The following PCGF5 variants were observed in gnomAD, a reference collection of about 807,000 sequenced individuals.
PCGF5 encodes polycomb group RING finger protein 5.
Under a neutral mutation model 44.3 loss-of-function variants are expected in PCGF5, and 9 were observed. That is an observed-to-expected ratio of 0.20 (90% confidence interval 0.12 to 0.35). The LOEUF is 0.35. Among genes scored for constraint, PCGF5 ranks in the 10% least tolerant of loss-of-function variants. The pLI, the probability that PCGF5 is intolerant of heterozygous loss-of-function variation, is 1.00. For synonymous variants in PCGF5, 95 were observed against 102.5 expected, an observed-to-expected ratio of 0.93 and a Z score of 0.44; for missense variants, 146 against 305.3, an observed-to-expected ratio of 0.48 and a Z score of 3.89.
upstream of PCGF5, chr10:91,162,953 C>T (rs930248919): frequency 2.2e-4 from 32 of 145,304 alleles, no homozygotes; most frequent in African/African-American, 7.9e-4. Flanking sequence ...CGCCCCGCGC[C>T]GCTCGCACCC....
chr10:91,243,981 C>G (rs181170944), intron 3 of PCGF5, among the ~76,000 whole-genome samples: 1 of 152,186 alleles, frequency 6.6e-6, no homozygotes, highest in Admixed American at 6.5e-5. Context: ...TTACTGGATG[C>G]CTGCTGTGTC....
intron 1 of PCGF5, among the ~76,000 whole-genome samples, chr10:91,197,772 T>G (rs564546367): frequency 6.6e-6 from 1 of 152,318 alleles, no homozygotes; most frequent in South Asian, 2.1e-4. Flanking sequence ...TTCATTTTGT[T>G]ATATTAAATT....
At chr10:91,248,311 A>G (rs1044413690) in intron 3 of PCGF5, among the ~76,000 whole-genome samples, 194 bp from the exon 4 acceptor site, 1 of 152,086 alleles carries the variant, frequency 6.6e-6, no homozygotes, top group African/African-American at 2.4e-5. Flanking sequence ...GACTGGGACC[A>G]TTTTTGTTAT....
At chr10:91,202,645 C>T (rs1031542309) in intron 1 of PCGF5, among the ~76,000 whole-genome samples, 7 of 152,072 alleles carry the variant, frequency 4.6e-5, no homozygotes, top group Admixed American at 3.3e-4. Flanking sequence ...TCCTTAGAAG[C>T]CTTGAAAACT....
intron 6 of PCGF5, among the ~76,000 whole-genome samples, chr10:91,253,325 C>T (rs960527643): frequency 1.3e-5 from 2 of 151,882 alleles, no homozygotes; most frequent in Non-Finnish European, 2.9e-5. Flanking sequence ...AATCCTGTCT[C>T]GCCCCCTACC....
At chr10:91,170,772 G>A (rs1245537481) in intron 1 of PCGF5, among the ~76,000 whole-genome samples, 3 of 152,186 alleles carry the variant, frequency 2.0e-5, no homozygotes, top group Non-Finnish European at 4.4e-5. Flanking sequence ...TTTACCCAAA[G>A]GAGTTGAAAA....
At chr10:91,168,957 A>AT (rs1564623419) in intron 1 of PCGF5, among the ~76,000 whole-genome samples, 1 of 134,484 alleles carries the variant, frequency 7.4e-6, no homozygotes, top group Non-Finnish European at 1.6e-5. Context: ...AAAAAAAAAA[A>AT]AGAAGGCTTG....
chr10:91,229,937 T>A (rs1210328618), intron 2 of PCGF5, among the ~76,000 whole-genome samples: 1 of 152,192 alleles, frequency 6.6e-6, no homozygotes, highest in Non-Finnish European at 1.5e-5. Flanking sequence ...TGGCAGAAAC[T>A]AGTCATTCAT....
At position 91,251,395 on chromosome 10, in the gene PCGF5, A is replaced by G; in HGVS notation, c.429A>G (p.Leu143=). The change falls in exon 6 of 10, where the codon CTA becomes CTG. Residue 143 remains leucine, a synonymous_variant. Transcript: ENST00000336126. ...GTGACCCACAAATTGCTATCTGTCT[A>G]GATTGTTTACGAAATAATGGGCAAT... ...HRSDPQIAIC[L]DCLRNNGQSG... is the part of the protein sequence containing the mutation. The G allele has an allele frequency of 6.2e-7, 1 of 1,611,552 alleles. No individual in the cohort carries two copies.
In PCGF5 at chr10:91,237,272, G is replaced by A. The variant is rs183496234; in HGVS notation, c.113-3212G>A. On this transcript the variant is annotated intron_variant, in intron 2 of 9. Coordinates refer to ENST00000336126, the MANE Select transcript of PCGF5 (RefSeq NM_032373.5). ...GCATATTTAAGATAATGCCTGGTAC[G>A]TAAACCCATTAAGTGTTAACTATGA... Among the ~76,000 whole-genome samples the A allele has an allele frequency of 3.3e-3, 508 of 152,222 alleles. 2 individuals carry two copies. The highest frequency in any genetic ancestry group is 4.6e-3 in the Admixed American group (71 of 15,292).
chr10:91,171,945 T>C (rs1170393611), intron 1 of PCGF5, among the ~76,000 whole-genome samples: 1 of 152,204 alleles, frequency 6.6e-6, no homozygotes, highest in Non-Finnish European at 1.5e-5. Context: ...TCCTAAAGCT[T>C]TTCTGAGCAT....
In PCGF5 at chr10:91,280,438, C is replaced by T. The variant is rs999175174; in HGVS notation, c.*2122C>T. On this transcript the variant is annotated 3_prime_UTR_variant, in exon 10 of 10. Coordinates refer to ENST00000336126, the MANE Select transcript of PCGF5 (RefSeq NM_032373.5). ...TTGTCATATGTAATTTCACTATTTT[C>T]CAAGGAAATATATAGGAAGCAATTA... is the stretch of plus-strand genomic sequence containing the variant. The T allele has an allele frequency of 2.0e-5, 3 of 152,274 alleles. No homozygotes were observed. The highest frequency in any genetic ancestry group is 4.4e-5 in the Non-Finnish European group (3 of 67,864). The allele number at this position is 152,274 out of a possible 1,614,324, so 9.4% of individuals were successfully genotyped here. A position where few individuals can be genotyped will look rare whatever the true frequency, so the allele number is the denominator to read the frequency against.
At chr10:91,165,311 T>C (rs1843480553) in intron 1 of PCGF5, among the ~76,000 whole-genome samples, 1 of 152,216 alleles carries the variant, frequency 6.6e-6, no homozygotes, top group Non-Finnish European at 1.5e-5. Context: ...TTAAAAATAT[T>C]ATCTGTGCTA....
chr10:91,267,293 TCTCCCGATGGCATTCTTA>T (rs1269135558), intron 8 of PCGF5, among the ~76,000 whole-genome samples: 1 of 152,124 alleles, frequency 6.6e-6, no homozygotes, highest in Non-Finnish European at 1.5e-5. Context: ...TACAACCCCC[TCTCCCGATGGCATTCTTA>T]CTCCCTTTTC....
At chr10:91,248,605 A>G in intron 4 of PCGF5, 45 bp downstream of exon 4, 2 of 1,602,306 alleles carry the variant, frequency 1.2e-6, no homozygotes, top group Non-Finnish European at 1.7e-6. Flanking sequence ...GTTTTATGAA[A>G]TCAACACTTC....
Position 91,248,491 on chromosome 10 carries a change from C to G in PCGF5, c.210-14C>G, listed in dbSNP as rs758464955. 7 of 1,605,644 alleles carry G rather than the reference C, an allele frequency of 4.4e-6. No homozygotes were observed. In the African/African-American group the frequency reaches 6.7e-5, roughly 15 times the overall value. On this transcript the variant is annotated splice_polypyrimidine_tract_variant and intron_variant, in intron 3 of 9. Transcript: ENST00000336126. ...TCTTCATTGTTAGTATTTTCTTTCT[C>G]CCCCCTTTCGAAGGTTGGACAATAC...
Position 91,240,355 on chromosome 10 carries a change from A to T in PCGF5, c.113-129A>T, listed in dbSNP as rs947209839. 3 of 577,664 alleles carry T rather than the reference A, an allele frequency of 5.2e-6. No individual in the cohort carries two copies. The African/African-American group carries it at 5.8e-5, about 11-fold the overall frequency. 35.8% of individuals were successfully genotyped at this position (577,664 alleles called of 1,614,324 possible). A position where few individuals can be genotyped will look rare whatever the true frequency, so the allele number is the denominator to read the frequency against. The stretch of plus-strand genomic sequence containing the variant: ...CAGTGTTACAATTGTAAGGTTTTTG[A>T]AGCTTAATTAAATAATGATATTCTA... On this transcript the variant is annotated intron_variant, in intron 2 of 9. Transcript: ENST00000336126.
intron 6 of PCGF5, 66 bp from the exon 7 acceptor site, chr10:91,261,260 A>T: frequency 1.5e-6 from 2 of 1,376,018 alleles, no homozygotes; most frequent in Non-Finnish European, 1.9e-6. Context: ...CTATGGTTTC[A>T]CCAGAAGCAA....
chr10:91,270,315 G>T (rs769187998), intron 8 of PCGF5, among the ~76,000 whole-genome samples: 5 of 151,438 alleles, frequency 3.3e-5, no homozygotes, highest in African/African-American at 4.9e-5. Context: ...TGCTTTATTT[G>T]CATTAGTAGG....
Sources: gnomAD v4.1 joint callset for allele counts (sites outside exome capture counted in the v4.1 genomes callset) on GRCh38, gnomAD v4.1.1 for gene constraint, MANE v1.5 for transcripts, NCBI Gene and HGNC (gene_info 2026-07-23, HGNC 2026-07-21) for gene names.